The following CCSER1 variants were observed in gnomAD, a reference collection of about 807,000 sequenced individuals.
CCSER1 encodes coiled-coil serine rich protein 1.
A neutral mutation model predicts 82.0 loss-of-function variants in CCSER1; 41 were observed. The observed-to-expected ratio is 0.50, with a 90% CI of 0.39 to 0.65. The LOEUF (loss-of-function observed/expected upper bound fraction) is 0.65. Ranked by LOEUF, CCSER1 falls within the 30% of genes least tolerant of loss-of-function variation. CCSER1 has a pLI of 0.00. For synonymous variants in CCSER1, 414 were observed against 383.9 expected, an observed-to-expected ratio of 1.08 and a Z score of -0.92; for missense variants, 1,119 against 1,064.2, an observed-to-expected ratio of 1.05 and a Z score of -0.72.
intron 9 of CCSER1, chr4:90,951,027 G>A (rs1732856672): frequency 6.6e-6 from 1 of 152,066 alleles, no homozygotes; most frequent in African/African-American, 2.4e-5. Context: ...GGGAGTATTA[G>A]CCTAGAAATT....
At chr4:91,486,978 T>A (rs1273271724) in intron 10 of CCSER1, among the ~76,000 whole-genome samples, 2 of 152,144 alleles carry the variant, frequency 1.3e-5, no homozygotes, top group Non-Finnish European at 2.9e-5. Context: ...TAACATATAA[T>A]GTGATTGTGA....
At chr4:91,376,609 A>G (rs1750431262) in intron 10 of CCSER1, among the ~76,000 whole-genome samples, 1 of 152,224 alleles carries the variant, frequency 6.6e-6, no homozygotes, top group Admixed American at 6.5e-5. Flanking sequence ...TTAAGCAACC[A>G]GAGTTATGCA....
At chr4:90,363,543 A>G (rs539480663) in intron 3 of CCSER1, among the ~76,000 whole-genome samples, 2 of 152,214 alleles carry the variant, frequency 1.3e-5, no homozygotes, top group East Asian at 1.9e-4. Context: ...TAAAAAGACT[A>G]CTTATCCAAA....
Position 90,532,865 on chromosome 4 carries a change from T to A in CCSER1, c.1724+64511T>A, listed in dbSNP as rs555089748. On this transcript the variant is annotated intron_variant, in intron 5 of 10. Coordinates refer to ENST00000509176, the MANE Select transcript of CCSER1 (RefSeq NM_001145065.2). Reference sequence around the variant, plus strand: ...TCCTCCTCTACTTCTCCCAAGTATCTATCTTGGCTTTTTTGTATTCTGTTC... The same window carrying A: ...TCCTCCTCTACTTCTCCCAAGTATCAATCTTGGCTTTTTTGTATTCTGTTC... Among the ~76,000 whole-genome samples, 35 of 152,276 alleles carry A rather than the reference T, an allele frequency of 2.3e-4. No individual in the cohort carries two copies. The South Asian group carries it at 7.0e-3, about 31-fold the overall frequency.
intron 5 of CCSER1, among the ~76,000 whole-genome samples, chr4:90,512,735 T>C (rs959325237): frequency 2.0e-5 from 3 of 152,216 alleles, no homozygotes; most frequent in African/African-American, 7.2e-5. Context: ...TAATTACTGA[T>C]CTAATCATAT....
At chr4:90,212,752 T>C (rs536885389) in intron 1 of CCSER1, among the ~76,000 whole-genome samples, 1 of 152,206 alleles carries the variant, frequency 6.6e-6, no homozygotes, top group South Asian at 2.1e-4. Context: ...AGGAGTGCAA[T>C]GGTAGTTGCA....
intron 6 of CCSER1, among the ~76,000 whole-genome samples, chr4:90,633,517 A>G (rs73833740): frequency 0.029 from 4,367 of 152,026 alleles, 123 homozygotes; most frequent in African/African-American, 0.068. Context: ...ATTATCTGCT[A>G]AATCTTCCAG....
At chr4:90,402,133 G>T (rs562362588) in intron 4 of CCSER1, among the ~76,000 whole-genome samples, 3 of 152,280 alleles carry the variant, frequency 2.0e-5, no homozygotes, top group East Asian at 1.9e-4. Context: ...TAAAAAGATT[G>T]TGGGCAACCA....
intron 5 of CCSER1, among the ~76,000 whole-genome samples, chr4:90,546,952 G>T (rs1776835707): frequency 6.6e-6 from 1 of 152,004 alleles, no homozygotes; most frequent in African/African-American, 2.4e-5. Context: ...AAAGCCTAAT[G>T]AGTAAGTCCA....
intron 8 of CCSER1, among the ~76,000 whole-genome samples, chr4:90,898,721 T>G (rs1233285718): frequency 6.6e-6 from 1 of 152,184 alleles, no homozygotes; most frequent in East Asian, 1.9e-4. Flanking sequence ...CCCCATTGTT[T>G]ATTTTTGTAT....
At chr4:91,006,513 G>A (rs1047476073) in intron 9 of CCSER1, among the ~76,000 whole-genome samples, 30 of 147,888 alleles carry the variant, frequency 2.0e-4, no homozygotes, top group African/African-American at 6.2e-4. Flanking sequence ...TTTCTTAGAC[G>A]GAGTCTCGCT....
At position 91,500,409 on chromosome 4, in the gene CCSER1, T is replaced by C. The variant is rs149313567; in HGVS notation, c.2218-98163T>C. Reference sequence around the variant, plus strand: ...TACATCTGCAAATATTTTCTCCTGGTATATGACTTGGCTTCTCATTTTCTT... The same window carrying C: ...TACATCTGCAAATATTTTCTCCTGGCATATGACTTGGCTTCTCATTTTCTT... On this transcript the variant is annotated intron_variant, in intron 10 of 10. Transcript: ENST00000509176. Among the ~76,000 whole-genome samples, 611 of 152,186 alleles carry C rather than the reference T, an allele frequency of 4.0e-3. 25 individuals carry two copies. The East Asian group carries it at 0.095, about 24-fold the overall frequency.
intron 1 of CCSER1, among the ~76,000 whole-genome samples, chr4:90,263,189 G>A (rs1207083277): frequency 6.6e-6 from 1 of 152,170 alleles, no homozygotes; most frequent in Non-Finnish European, 1.5e-5. Context: ...TTTGTCCCAT[G>A]GCATGTTCCC....
chr4:91,482,791 G>T (rs1458460460), intron 10 of CCSER1, among the ~76,000 whole-genome samples: 1 of 152,166 alleles, frequency 6.6e-6, no homozygotes, highest in African/African-American at 2.4e-5. Context: ...CATATCCTTT[G>T]TAGGGACATG....
chr4:91,132,796 A>C (rs714186), intron 10 of CCSER1, among the ~76,000 whole-genome samples: 54,676 of 152,056 alleles, frequency 0.36, 11,074 homozygotes, highest in East Asian at 0.47. Flanking sequence ...TAGAAGAAAC[A>C]ATTTCAAATG....
intron 10 of CCSER1, among the ~76,000 whole-genome samples, chr4:91,228,830 A>G (rs1738406007): frequency 6.6e-6 from 1 of 152,176 alleles, no homozygotes; most frequent in African/African-American, 2.4e-5. Context: ...AGGCTGAGAA[A>G]TGCCTTGATA....
At chr4:90,786,242 C>G (rs1253062851) in intron 7 of CCSER1, among the ~76,000 whole-genome samples, 1 of 152,122 alleles carries the variant, frequency 6.6e-6, no homozygotes, top group Non-Finnish European at 1.5e-5. Flanking sequence ...GAGAAAAGGG[C>G]AATATTAGAA....
At chr4:90,548,501 T>A (rs545006895) in intron 5 of CCSER1, among the ~76,000 whole-genome samples, 1 of 152,144 alleles carries the variant, frequency 6.6e-6, no homozygotes, top group Admixed American at 6.6e-5. Context: ...CTGGGACTCA[T>A]GACTCCGAGG....
At chr4:90,491,311 T>G (rs1437542364) in intron 5 of CCSER1, among the ~76,000 whole-genome samples, 1 of 152,174 alleles carries the variant, frequency 6.6e-6, no homozygotes, top group Non-Finnish European at 1.5e-5. Context: ...ATGATTTGGC[T>G]CTCTGTTGGT....
Sources: allele counts gnomAD v4.1 joint callset (sites outside exome capture counted in the v4.1 genomes callset), GRCh38; gene constraint gnomAD v4.1.1; transcripts MANE v1.5; gene names NCBI Gene and HGNC (gene_info 2026-07-23, HGNC 2026-07-21).